Variants in PAPPA observed in about 807,000 individuals in gnomAD.
PAPPA encodes the protein pappalysin 1, also known as pappalysin-1.
PAPPA carries 60 observed loss-of-function variants against 164.0 expected under a neutral mutation model. The ratio of observed to expected loss-of-function variants is 0.37; its 90% CI spans 0.30 to 0.45. The LOEUF (loss-of-function observed/expected upper bound fraction) is 0.45, where lower values mean the gene tolerates loss of function less well. PAPPA is among the 20% of genes least tolerant of loss of function. PAPPA has a pLI of 1.00. For missense variants in PAPPA, 1,782 were observed against 2,087.3 expected (o/e 0.85, Z 2.85); for synonymous variants, 875 against 814.1 (o/e 1.07, Z -1.27).
At chr9:116,309,112 G>T (rs529459480) in intron 10 of PAPPA, among the ~76,000 whole-genome samples, 1 of 149,838 alleles carries the variant, frequency 6.7e-6, no homozygotes, top group Admixed American at 6.7e-5. Flanking sequence ...GTCTCACTCC[G>T]TCCTCCAGGC....
chr9:116,392,971 T>C (rs1024467296), intron 21 of PAPPA, among the ~76,000 whole-genome samples: 5 of 152,168 alleles, frequency 3.3e-5, no homozygotes, highest in African/African-American at 1.2e-4. Flanking sequence ...CCTCCTAGGC[T>C]TTGTCATATT....
intron 10 of PAPPA, chr9:116,318,655 G>C (rs1001646270): frequency 6.6e-6 from 1 of 152,156 alleles, no homozygotes; most frequent in African/African-American, 2.4e-5. Flanking sequence ...ATCTGGCTGG[G>C]GATCCCGTGT....
At chr9:116,355,104 A>C (rs555828007) in intron 17 of PAPPA, among the ~76,000 whole-genome samples, 1 of 152,110 alleles carries the variant, frequency 6.6e-6, no homozygotes, top group South Asian at 2.1e-4. Context: ...CCCCTTCACA[A>C]CATTGGCCAC....
intron 13 of PAPPA, among the ~76,000 whole-genome samples, chr9:116,343,144 G>A (rs1277442813): frequency 6.6e-6 from 1 of 152,212 alleles, no homozygotes; most frequent in Non-Finnish European, 1.5e-5. Context: ...TGTAAAATGA[G>A]TAACGCTTAG....
intron 10 of PAPPA, among the ~76,000 whole-genome samples, chr9:116,325,405 C>G (rs971508809): frequency 6.6e-6 from 1 of 152,130 alleles, no homozygotes; most frequent in Admixed American, 6.5e-5. Context: ...CCATTCAGTA[C>G]AACTGCAGAG....
chr9:116,287,832 G>A (rs1251662721), intron 9 of PAPPA, among the ~76,000 whole-genome samples: 1 of 152,146 alleles, frequency 6.6e-6, no homozygotes, highest in Non-Finnish European at 1.5e-5. Context: ...GCCATGACTG[G>A]TCCAGCTAGG....
Position 116,187,534 on chromosome 9 carries a change from C to T in PAPPA, c.796C>T (p.Arg266Trp), listed in dbSNP as rs755342596. 77 of 1,614,058 alleles carry T rather than the reference C, an allele frequency of 4.8e-5. No homozygotes were observed. Among genetic ancestry groups the T allele is most frequent in the Non-Finnish European group, 5.5e-5 (65 of 1,180,040 alleles). ...FSLWKVARTQ[R>W]EILSDMETHG... ...TCTGTGGAAGGTGGCCAGGACTCAG[C>T]GGGAGATACTGTCTGACATGGAAAC... Residue 266 changes from arginine to tryptophan, a missense_variant, in exon 2 of 22, where the codon CGG becomes TGG. By Grantham distance (101) the Arg-to-Trp change is moderately radical. Transcript: ENST00000328252. This position sits in a 1 kb window ranked among gnomAD's most constrained non-coding sequence, Gnocchi z 4.2.
intron 18 of PAPPA, among the ~76,000 whole-genome samples, chr9:116,364,670 C>T (rs768815310): frequency 3.9e-5 from 6 of 152,056 alleles, no homozygotes; most frequent in South Asian, 2.1e-4. Flanking sequence ...ACCTCACAGA[C>T]GCATTTACAT....
intron 1 of PAPPA, among the ~76,000 whole-genome samples, chr9:116,167,544 A>G (rs1251438437): frequency 6.6e-6 from 1 of 152,186 alleles, no homozygotes; most frequent in Non-Finnish European, 1.5e-5. Flanking sequence ...AGTGCCTGGG[A>G]CATGTTTCCC....
In PAPPA at chr9:116,353,623, C is replaced by T. The variant is rs1312160862; in HGVS notation, c.4177C>T (p.Arg1393Trp). The part of the protein sequence containing the change: ...VPGSSRKSKK[R>W]AFKTQCTQDG... ...TCCTGTTTGATCCTTTCCTTGAAGA[C>T]GGGCCTTCAAGACTCAGTGTACCCA... Residue 1393 changes from arginine to tryptophan, a missense_variant and splice_region_variant, in exon 17 of 22, where the codon CGG (arginine) becomes TGG (tryptophan). By Grantham distance (101) the Arg-to-Trp change is moderately radical (BLOSUM62 -3). This residue lies in a region of PAPPA where 1,324 missense variants were observed against 1,656.9 expected (regional missense o/e 0.80). Transcript: ENST00000328252. 14 of 1,613,134 alleles carry T rather than the reference C, an allele frequency of 8.7e-6. No individual in the cohort carries two copies. In the East Asian group the frequency reaches 8.9e-5, roughly 10 times the overall value.
chr9:116,236,717 T>C (rs1844672707), intron 7 of PAPPA, among the ~76,000 whole-genome samples: 1 of 146,280 alleles, frequency 6.8e-6, no homozygotes, highest in Admixed American at 6.9e-5. Flanking sequence ...TTTTCCTGTG[T>C]ACTAGAAAAT....
chr9:116,235,281 C>T lies in PAPPA; in HGVS notation c.2376C>T (p.Val792=). 6.2e-7 allele frequency: 1 copy of T among 1,614,136 alleles called. No homozygotes were observed. Among genetic ancestry groups the T allele is most frequent in the South Asian group, 1.1e-5 (1 of 91,076 alleles). Residue 792 remains valine, a synonymous_variant, in exon 7 of 22, where the codon GTC becomes GTT. Coordinates refer to ENST00000328252, the MANE Select transcript of PAPPA (RefSeq NM_002581.5). ...YLELEFLYPL[V]PESLTIWVTF... Reference sequence around the variant, plus strand: ...AGCTGGAGTTCCTCTACCCCTTGGTCCCTGAGTCTCTGACCATTTGGGTGA... The same window carrying T: ...AGCTGGAGTTCCTCTACCCCTTGGTTCCTGAGTCTCTGACCATTTGGGTGA...
At chr9:116,395,971 T>C (rs1011157269) in intron 21 of PAPPA, among the ~76,000 whole-genome samples, 33 of 152,216 alleles carry the variant, frequency 2.2e-4, no homozygotes, top group African/African-American at 7.2e-4. Context: ...TACACAGTTC[T>C]ATTAATCAAC....
chr9:116,366,684 A>G (rs997228848), intron 18 of PAPPA, among the ~76,000 whole-genome samples: 10 of 152,168 alleles, frequency 6.6e-5, no homozygotes, highest in Non-Finnish European at 1.3e-4. Flanking sequence ...AATGGGGAGC[A>G]TGGGTAGTGC....
chr9:116,254,500 G>A (rs954576781), intron 7 of PAPPA, among the ~76,000 whole-genome samples: 4 of 152,030 alleles, frequency 2.6e-5, no homozygotes, highest in African/African-American at 4.8e-5. Context: ...GATACTGAAA[G>A]GGCCGGGCGC....
At chr9:116,314,764 A>G (rs960762703) in intron 10 of PAPPA, among the ~76,000 whole-genome samples, 1 of 152,126 alleles carries the variant, frequency 6.6e-6, no homozygotes, top group African/African-American at 2.4e-5. Context: ...TTAGGGCTTA[A>G]TTATCCTACA....
At chr9:116,183,513 T>C (rs1843931931) in intron 1 of PAPPA, among the ~76,000 whole-genome samples, 1 of 152,204 alleles carries the variant, frequency 6.6e-6, no homozygotes, top group African/African-American at 2.4e-5. Context: ...GGTTCTGAGC[T>C]GGTGGTACAA....
At chr9:116,327,654 A>G (rs1453929236) in intron 10 of PAPPA, among the ~76,000 whole-genome samples, 1 of 151,890 alleles carries the variant, frequency 6.6e-6, no homozygotes, top group Non-Finnish European at 1.5e-5. Flanking sequence ...TGGGGATCAC[A>G]CTTGTGTCCT....
intron 21 of PAPPA, among the ~76,000 whole-genome samples, chr9:116,393,208 A>G (rs1468602456): frequency 6.6e-6 from 1 of 152,176 alleles, no homozygotes; most frequent in Non-Finnish European, 1.5e-5. Flanking sequence ...AAGAAATTCT[A>G]TGTTTCAAGT....
Sources: gnomAD v4.1 joint callset for allele counts (sites outside exome capture counted in the v4.1 genomes callset) on GRCh38, gnomAD v4.1.1 for gene constraint, gnomAD v4.1.1 regional missense constraint, Gnocchi (gnomAD v3.1) non-coding constraint, MANE v1.5 for transcripts, NCBI Gene and HGNC (gene_info 2026-07-23, HGNC 2026-07-21) for gene names.